The following GPR107 variants were observed in gnomAD, a reference collection of about 807,000 sequenced individuals.
GPR107 encodes the protein G protein-coupled receptor 107, also known as protein GPR107.
In GPR107, 31 loss-of-function variants were observed where a neutral mutation model predicts 75.5. The observed-to-expected ratio is 0.41, with a 90% CI of 0.31 to 0.55. The LOEUF is 0.55. Ranked by LOEUF, GPR107 falls within the 20% of genes least tolerant of loss-of-function variation. The pLI is 0.26. For missense variants in GPR107, 572 were observed against 665.7 expected (o/e 0.86, Z 1.55); for synonymous variants, 267 against 251.3 (o/e 1.06, Z -0.59).
intron 14 of GPR107, among the ~76,000 whole-genome samples, chr9:130,116,748 C>T (rs1004860198): frequency 2.6e-5 from 4 of 152,222 alleles, no homozygotes; most frequent in African/African-American, 9.6e-5. Flanking sequence ...CAACAGAAGT[C>T]TTTGTCAGAG....
chr9:130,114,143 C>T (rs1280280936), intron 14 of GPR107, among the ~76,000 whole-genome samples: 2 of 143,902 alleles, frequency 1.4e-5, no homozygotes, highest in African/African-American at 2.6e-5. Context: ...CGGAGGCAAA[C>T]GGATCAGTTG....
chr9:130,061,127 C>A lies in GPR107; in HGVS notation c.141+7054C>A, dbSNP rs1323992636. On this transcript the variant is annotated intron_variant, in intron 1 of 17. Coordinates refer to ENST00000347136, the MANE Select transcript of GPR107 (RefSeq NM_020960.5). ...CATTCAACAAATACTCTTCAGGTGT[C>A]TTTTATATACCGGGTGGGCACTTCT... 5.3e-5 allele frequency among the ~76,000 whole-genome samples: 8 copies of A among 152,176 alleles called. No individual in the cohort carries two copies. The East Asian group carries it at 1.5e-3, about 29-fold the overall frequency.
In GPR107 at chr9:130,079,813, C is replaced by G. The variant is rs1007250433; in HGVS notation, c.526+44C>G. The G allele has an allele frequency of 6.0e-6, 8 of 1,337,876 alleles. No individual in the cohort carries two copies. The Admixed American group carries it at 1.9e-4, about 31-fold the overall frequency. The allele number at this position is 1,337,876 out of a possible 1,614,324, so 82.9% of individuals were successfully genotyped here. On this transcript the variant is annotated intron_variant, in intron 5 of 17. Coordinates refer to ENST00000347136, the MANE Select transcript of GPR107 (RefSeq NM_020960.5). ...ACTGGCTTTCAGTTTTCACTACCTGCTTTGTAGCTTTTTTGTTCCTAATTA... is the reference window on the plus strand; with the variant it reads ...ACTGGCTTTCAGTTTTCACTACCTGGTTTGTAGCTTTTTTGTTCCTAATTA...
intron 17 of GPR107, chr9:130,129,445 C>T (rs1362625204): frequency 6.6e-6 from 1 of 152,310 alleles, no homozygotes; most frequent in Non-Finnish European, 1.5e-5. Flanking sequence ...CTGCCCCCAG[C>T]CCTGGCAGCC....
chr9:130,077,619 G>A (rs1830385920), intron 4 of GPR107, among the ~76,000 whole-genome samples: 1 of 152,196 alleles, frequency 6.6e-6, no homozygotes, highest in African/African-American at 2.4e-5. Flanking sequence ...TAGAAAGGAA[G>A]GAGAGGCTTC....
In GPR107 at chr9:130,079,738, T is replaced by A; in HGVS notation, c.495T>A (p.Ala165=). 1 of 1,612,730 alleles carries A rather than the reference T, an allele frequency of 6.2e-7. No homozygotes were observed. Among genetic ancestry groups the A allele is most frequent in the Non-Finnish European group, 8.5e-7 (1 of 1,179,160 alleles). Residue 165 remains alanine, a synonymous_variant, in exon 5 of 18, where the codon GCT becomes GCA. Transcript: ENST00000347136. ...GCCAGGAGCCTAATGTTAACCCTGC[T>A]TCAGCAGGCAACCAGACCCAGAAGA... ...GQSQEPNVNP[A]SAGNQTQKTQ...
At chr9:130,099,565 AATTACGT>A (rs1355191099) in intron 10 of GPR107, 33 bp downstream of exon 10, 5 of 1,161,296 alleles carry the variant, frequency 4.3e-6, no homozygotes, top group Admixed American at 3.5e-5. Context: ...TCATTCATGA[AATTACGT>A]ATAATGCCTG....
intron 13 of GPR107, among the ~76,000 whole-genome samples, chr9:130,104,929 C>A (rs1285738050): frequency 6.6e-6 from 1 of 152,166 alleles, no homozygotes; most frequent in Non-Finnish European, 1.5e-5. Context: ...TGAGGAAGTT[C>A]ATTAACATAA....
intron 12 of GPR107, among the ~76,000 whole-genome samples, chr9:130,102,643 G>A (rs1056016400): frequency 6.6e-6 from 1 of 152,210 alleles, no homozygotes; most frequent in Non-Finnish European, 1.5e-5. Flanking sequence ...TAAGTAAGGA[G>A]TAGATGATGT....
intron 9 of GPR107, among the ~76,000 whole-genome samples, chr9:130,094,734 G>T (rs1468218113): frequency 6.6e-6 from 1 of 151,764 alleles, no homozygotes; most frequent in African/African-American, 2.4e-5. Context: ...AGGCTGGAGT[G>T]CAGTGGTGAG....
chr9:130,125,401 T>TC (rs1195226817), intron 15 of GPR107, among the ~76,000 whole-genome samples: 7 of 56,582 alleles, frequency 1.2e-4, no homozygotes, highest in Non-Finnish European at 2.9e-4. Context: ...GCTTTTTTGC[T>TC]TTTTTTTTTT....
intron 14 of GPR107, among the ~76,000 whole-genome samples, chr9:130,111,837 CT>C (rs1382779512): frequency 6.6e-6 from 1 of 152,192 alleles, no homozygotes; most frequent in Non-Finnish European, 1.5e-5. Context: ...AAGCTGCCCA[CT>C]GTCCTTTAGC....
At chr9:130,082,569 T>G (rs538394955) in intron 5 of GPR107, among the ~76,000 whole-genome samples, 1 of 145,090 alleles carries the variant, frequency 6.9e-6, no homozygotes, top group African/African-American at 2.6e-5. Context: ...AAGCTCCACC[T>G]CCCAGGTTCA....
intron 14 of GPR107, chr9:130,110,219 G>T (rs1226179250): frequency 6.8e-6 from 4 of 589,136 alleles, no homozygotes; most frequent in Non-Finnish European, 1.2e-5. Context: ...TCTTAGTAAG[G>T]TGCTCTGTCT....
chr9:130,111,275 G>T (rs1831294579), intron 14 of GPR107, among the ~76,000 whole-genome samples: 1 of 152,070 alleles, frequency 6.6e-6, no homozygotes, highest in South Asian at 2.1e-4. Context: ...AGACCAGCCT[G>T]GGTGACATAA....
In GPR107 at chr9:130,124,908, T is replaced by C; in HGVS notation, c.1307-7T>C. On this transcript the variant is annotated splice_polypyrimidine_tract_variant and splice_region_variant and intron_variant, in intron 14 of 17. Transcript: ENST00000347136. ...GAGCTCTTCATTTTGTTCTTTCTTC[T>C]CTCTAGCTGCTATTAACTTAGCAAA... 1 of 1,538,476 alleles carries C rather than the reference T, an allele frequency of 6.5e-7. No homozygotes were observed. The highest frequency in any genetic ancestry group is 8.9e-7 in the Non-Finnish European group (1 of 1,126,328).
At chr9:130,091,963 G>C (rs777451388) in intron 8 of GPR107, among the ~76,000 whole-genome samples, 1 of 151,760 alleles carries the variant, frequency 6.6e-6, no homozygotes, top group Non-Finnish European at 1.5e-5. Context: ...CAAAGTGCTG[G>C]GATTACAGGC....
At chr9:130,062,660 G>GCCTTCCTTCCTT (rs1199165645) in intron 1 of GPR107, among the ~76,000 whole-genome samples, 3 of 69,074 alleles carry the variant, frequency 4.3e-5, no homozygotes, top group Non-Finnish European at 8.9e-5. Context: ...CTGCCTGCCT[G>GCCTTCCTTCCTT]CCTTCCTTCC....
intron 12 of GPR107, 66 bp downstream of exon 12, chr9:130,101,289 C>G: frequency 1.2e-6 from 1 of 868,418 alleles, no homozygotes; most frequent in Non-Finnish European, 2.0e-6. Context: ...AGCTCCAAGC[C>G]TGTATGGGAA....
Sources: gnomAD v4.1 joint callset for allele counts (sites outside exome capture counted in the v4.1 genomes callset) on GRCh38, gnomAD v4.1.1 for gene constraint, MANE v1.5 for transcripts, NCBI Gene and HGNC (gene_info 2026-07-23, HGNC 2026-07-21) for gene names.